Variants in ANKDD1B observed in about 807,000 individuals in gnomAD.
ANKDD1B encodes the protein ankyrin repeat and death domain containing 1B, also known as ankyrin repeat and death domain-containing protein 1B.
In ANKDD1B, 57 loss-of-function variants were observed where a neutral mutation model predicts 59.7. The observed-to-expected ratio is 0.95, with a 90% CI of 0.77 to 1.19. The LOEUF (loss-of-function observed/expected upper bound fraction) is 1.19. Ranked by LOEUF, ANKDD1B falls within the 50% of genes most tolerant of loss-of-function variation. The pLI is 0.00. For missense variants in ANKDD1B, 602 were observed against 641.9 expected (o/e 0.94, Z 0.67); for synonymous variants, 216 against 239.5 (o/e 0.90, Z 0.91).
At chr5:75,629,668 C>G (rs1356310412) in intron 5 of ANKDD1B, among the ~76,000 whole-genome samples, 1 of 152,110 alleles carries the variant, frequency 6.6e-6, no homozygotes, top group Non-Finnish European at 1.5e-5. Flanking sequence ...GGCACAGTGG[C>G]TCACACCTGT....
intron 9 of ANKDD1B, among the ~76,000 whole-genome samples, chr5:75,657,308 C>A (rs1245852346): frequency 6.6e-6 from 1 of 151,256 alleles, no homozygotes; most frequent in African/African-American, 2.4e-5. Context: ...CAAGAATACA[C>A]ATAAAAAATA....
chr5:75,671,467 G>C lies in ANKDD1B; in HGVS notation c.*427G>C, dbSNP rs1282153604. 1 of 152,524 alleles carries C rather than the reference G, an allele frequency of 6.6e-6. No individual in the cohort carries two copies. Among genetic ancestry groups the C allele is most frequent in the African/African-American group, 2.4e-5 (1 of 41,464 alleles). 9.4% of individuals were successfully genotyped at this position (152,524 alleles called of 1,614,324 possible). A position where few individuals can be genotyped will look rare whatever the true frequency, so the allele number is the denominator to read the frequency against. On this transcript the variant is annotated 3_prime_UTR_variant, in exon 14 of 14. Transcript: ENST00000601380. ...CATGTTAATGTTGTTTACGTTCTTA[G>C]ATCTTCAGTTTCCTTCTCTATAAAC...
intron 1 of ANKDD1B, among the ~76,000 whole-genome samples, 192 bp downstream of exon 1, chr5:75,612,019 C>T (rs1773572802): frequency 6.6e-6 from 1 of 152,134 alleles, no homozygotes; most frequent in Non-Finnish European, 1.5e-5. Flanking sequence ...CTTTGGAATC[C>T]ACCCCCACCA....
At chr5:75,655,603 C>A (rs1774952844) in intron 8 of ANKDD1B, among the ~76,000 whole-genome samples, 1 of 152,170 alleles carries the variant, frequency 6.6e-6, no homozygotes, top group Non-Finnish European at 1.5e-5. Flanking sequence ...TTTCTGACCT[C>A]CTGAAAGGTC....
intron 7 of ANKDD1B, among the ~76,000 whole-genome samples, chr5:75,652,476 C>G (rs1367848104): frequency 6.6e-6 from 1 of 152,146 alleles, no homozygotes; most frequent in Non-Finnish European, 1.5e-5. Flanking sequence ...GGGTCTCACT[C>G]TGTTGCCCAG....
At chr5:75,647,394 C>A in intron 7 of ANKDD1B, among the ~76,000 whole-genome samples, 1 of 127,028 alleles carries the variant, frequency 7.9e-6, no homozygotes, top group Non-Finnish European at 1.5e-5. Flanking sequence ...TGAATTCAAA[C>A]AAATTTACAA....
intron 13 of ANKDD1B, 34 bp downstream of exon 13, chr5:75,669,417 T>C (rs774141479): frequency 2.3e-5 from 28 of 1,231,520 alleles, no homozygotes; most frequent in Non-Finnish European, 2.8e-5. Flanking sequence ...AAATTCTTTC[T>C]CCCTTAAAAT....
intron 7 of ANKDD1B, among the ~76,000 whole-genome samples, chr5:75,646,783 G>T (rs539010588): frequency 8.7e-6 from 1 of 114,678 alleles, no homozygotes; most frequent in Non-Finnish European, 1.6e-5. Flanking sequence ...AAAACAGTCC[G>T]CATCGCCAAG....
chr5:75,615,991 G>C (rs1467116464), intron 1 of ANKDD1B, among the ~76,000 whole-genome samples: 3 of 152,096 alleles, frequency 2.0e-5, no homozygotes, highest in Non-Finnish European at 4.4e-5. Context: ...TGTTATGATG[G>C]TACCATTTAA....
At chr5:75,656,173 C>A in intron 9 of ANKDD1B, 46 bp downstream of exon 9, 1 of 926,348 alleles carries the variant, frequency 1.1e-6, no homozygotes, top group Non-Finnish European at 1.6e-6. Context: ...TTCTTAGTTT[C>A]AACACAGTGT....
At chr5:75,628,932 G>A (rs1774068481) in intron 5 of ANKDD1B, among the ~76,000 whole-genome samples, 1 of 152,164 alleles carries the variant, frequency 6.6e-6, no homozygotes, top group South Asian at 2.1e-4. Context: ...GGGAGGGAGA[G>A]AAATAGAAAG....
intron 7 of ANKDD1B, among the ~76,000 whole-genome samples, chr5:75,649,851 C>G (rs1227210798): frequency 6.6e-6 from 1 of 152,204 alleles, no homozygotes; most frequent in Non-Finnish European, 1.5e-5. Context: ...TGCTGATCTA[C>G]AAGTCTACCA....
rs1055310452 is a variant in ANKDD1B, at chr5:75,611,568, G to A, written c.-67G>A. Reference sequence around the variant, plus strand: ...CCTGCCTGGGTCTGGATCTGTGTCCGAGTCTGGGTCTGGATCTGGGTCCGA... The same window carrying A: ...CCTGCCTGGGTCTGGATCTGTGTCCAAGTCTGGGTCTGGATCTGGGTCCGA... On this transcript the variant is annotated 5_prime_UTR_variant, in exon 1 of 14. Coordinates refer to ENST00000601380, the MANE Select transcript of ANKDD1B (RefSeq NM_001276713.2). The A allele has an allele frequency of 4.7e-6, 5 of 1,064,338 alleles. No individual in the cohort carries two copies. The highest frequency in any genetic ancestry group is 4.6e-5 in the East Asian group (1 of 21,840). 65.9% of individuals were successfully genotyped at this position (1,064,338 alleles called of 1,614,324 possible). A position where few individuals can be genotyped will look rare whatever the true frequency, so the allele number is the denominator to read the frequency against.
In ANKDD1B at chr5:75,666,878, C is replaced by T; in HGVS notation, c.1278C>T (p.Arg426=). 1 of 1,535,308 alleles carries T rather than the reference C, an allele frequency of 6.5e-7. No individual in the cohort carries two copies. The highest frequency in any genetic ancestry group is 8.7e-7 in the Non-Finnish European group (1 of 1,146,598). The change falls in exon 12 of 14, where the codon CGC becomes CGT. Residue 426 remains arginine, a synonymous_variant. Coordinates refer to ENST00000601380, the MANE Select transcript of ANKDD1B (RefSeq NM_001276713.2). The part of the protein sequence containing the change: ...QDHSLETRHI[R]TLLWDLAYHQ... ...ACAGTCTGGAGACCAGACACATTCG[C>T]ACGCTTCTCTGGGACCTGGCTTACC...
At chr5:75,663,560 G>T in intron 11 of ANKDD1B, 71 bp downstream of exon 11, 1 of 1,237,630 alleles carries the variant, frequency 8.1e-7, no homozygotes, top group Non-Finnish European at 1.1e-6. Context: ...GGGCAATGGG[G>T]GGGTCTGTGC....
intron 1 of ANKDD1B, among the ~76,000 whole-genome samples, chr5:75,613,069 G>A (rs564026959): frequency 2.6e-5 from 4 of 152,302 alleles, no homozygotes; most frequent in East Asian, 3.9e-4. Context: ...TGCACATGAC[G>A]GAGGTATGAT....
Position 75,634,994 on chromosome 5 carries a change from AAG to A in ANKDD1B, c.698_699del (p.Lys233ArgfsTer30). 6.5e-7 allele frequency: 1 copy of A among 1,527,100 alleles called. No individual in the cohort carries two copies. Among genetic ancestry groups the A allele is most frequent in the Non-Finnish European group, 8.8e-7 (1 of 1,138,874 alleles). 94.6% of individuals were successfully genotyped at this position (1,527,100 alleles called of 1,614,324 possible). On this transcript the variant is annotated frameshift_variant and splice_region_variant, in exon 6 of 14. Transcript: ENST00000601380. LOFTEE classifies it high-confidence loss of function. The stretch of plus-strand genomic sequence containing the variant: ...AAACCTGCATACTTCAGAAAAGGAC[AAG>A]GTGAGTTGGACTTTTATTTCTTTGC... The part of the protein sequence containing the change: ...FLNLHTSEKD[K>X]GGNTALHLAA...
chr5:75,663,265 G>A, intron 10 of ANKDD1B, 129 bp from the exon 11 acceptor site: 3 of 682,814 alleles, frequency 4.4e-6, no homozygotes, highest in East Asian at 2.7e-5. Context: ...AAGAAGCAAA[G>A]GACTGGCCTA....
intron 7 of ANKDD1B, among the ~76,000 whole-genome samples, chr5:75,648,786 C>T (rs1037744172): frequency 3.6e-4 from 55 of 152,188 alleles, no homozygotes; most frequent in African/African-American, 1.3e-3. Context: ...AGAACACACA[C>T]GAGCCCGGGA....
Sources: allele counts gnomAD v4.1 joint callset (sites outside exome capture counted in the v4.1 genomes callset), GRCh38; gene constraint gnomAD v4.1.1; transcripts MANE v1.5; gene names NCBI Gene and HGNC (gene_info 2026-07-23, HGNC 2026-07-21).